PHAF1: variants seen among roughly 807,000 people sequenced by gnomAD.
The protein encoded by PHAF1 is phagophore assembly factor 1, also known as phagosome assembly factor 1.
Under a neutral mutation model 63.1 loss-of-function variants are expected in PHAF1, and 23 were observed. That is an observed-to-expected ratio of 0.36 (90% CI 0.26 to 0.52). PHAF1 has a LOEUF of 0.52. PHAF1 is among the 20% of genes least tolerant of loss of function. PHAF1 has a pLI of 0.93. For synonymous variants in PHAF1, 167 were observed against 185.0 expected (o/e 0.90, Z 0.79); for missense variants, 427 against 517.2 (o/e 0.83, Z 1.69).
At chr16:67,139,663 T>G in intron 8 of PHAF1, 1 of 254,524 alleles carries the variant, frequency 3.9e-6, no homozygotes. Flanking sequence ...ACTGCACTGT[T>G]TTTGTTCACT....
intron 15 of PHAF1, 92 bp from the exon 16 acceptor site, chr16:67,146,953 G>C: frequency 8.4e-7 from 1 of 1,186,528 alleles, no homozygotes; most frequent in East Asian, 2.3e-5. Context: ...ATTAGGTGCA[G>C]GTATGTCACA....
At chr16:67,137,330 T>G (rs1264838988) in intron 8 of PHAF1, among the ~76,000 whole-genome samples, 2 of 152,170 alleles carry the variant, frequency 1.3e-5, no homozygotes, top group Non-Finnish European at 2.9e-5. Flanking sequence ...TTTGTTGTTG[T>G]TGTTTTTTGA....
At chr16:67,133,501 TAAAA>T (rs757439473) in intron 6 of PHAF1, among the ~76,000 whole-genome samples, 4 of 99,792 alleles carry the variant, frequency 4.0e-5, no homozygotes, top group Admixed American at 1.0e-4. Context: ...CCAAAAATAT[TAAAA>T]AAAAAAAAAA....
At chr16:67,125,895 G>A (rs950194773) in intron 2 of PHAF1, 64 bp from the exon 3 acceptor site, 1 of 1,163,822 alleles carries the variant, frequency 8.6e-7, no homozygotes, top group Non-Finnish European at 1.3e-6. Context: ...GTATTGTAAG[G>A]CTTTCAGTAG....
intron 11 of PHAF1, 147 bp downstream of exon 11, chr16:67,144,523 C>T (rs772892774): frequency 4.5e-5 from 30 of 673,788 alleles, no homozygotes; most frequent in Non-Finnish European, 7.6e-5. Context: ...TGAGTGCTTG[C>T]TGTGTTCCTG....
chr16:67,116,353 T>C (rs1262857442), intron 1 of PHAF1, among the ~76,000 whole-genome samples: 1 of 152,230 alleles, frequency 6.6e-6, no homozygotes, highest in Non-Finnish European at 1.5e-5. Context: ...TGTTTAAATG[T>C]AGATGAGCCA....
chr16:67,117,448 A>G (rs1313850725), intron 1 of PHAF1, among the ~76,000 whole-genome samples: 2 of 151,886 alleles, frequency 1.3e-5, no homozygotes, highest in African/African-American at 2.4e-5. Flanking sequence ...AAATCTGCTT[A>G]TAATGGGCCA....
chr16:67,139,279 T>C (rs1017812712), intron 8 of PHAF1, among the ~76,000 whole-genome samples: 11 of 151,618 alleles, frequency 7.3e-5, no homozygotes, highest in Middle Eastern at 3.5e-3. Flanking sequence ...GATGATCTGA[T>C]TAAGGTCTTC....
At position 67,135,005 on chromosome 16, in the gene PHAF1, A is replaced by G. The variant is rs77614623; in HGVS notation, c.661+538A>G. The G allele has an allele frequency of 2.0e-4, 55 of 281,258 alleles. No individual in the cohort carries two copies. The East Asian group carries it at 4.6e-3, about 23-fold the overall frequency. 17.4% of individuals were successfully genotyped at this position (281,258 alleles called of 1,614,324 possible). ...ACTGGACATAGTCTTATAATTAGCA[A>G]ATCTTAATAAGCAACAGCACTGCTT... is the stretch of plus-strand genomic sequence containing the variant. On this transcript the variant is annotated intron_variant, in intron 8 of 15. Coordinates refer to ENST00000219139, the MANE Select transcript of PHAF1 (RefSeq NM_025187.5).
chr16:67,113,923 G>A (rs1028850381), intron 1 of PHAF1, among the ~76,000 whole-genome samples: 10 of 151,676 alleles, frequency 6.6e-5, no homozygotes, highest in Non-Finnish European at 1.2e-4. Context: ...GGCTGGTCTC[G>A]AACTCCTGAC....
chr16:67,131,468 C>A, intron 4 of PHAF1, 139 bp downstream of exon 4: 2 of 618,634 alleles, frequency 3.2e-6, no homozygotes, highest in Non-Finnish European at 5.6e-6. Flanking sequence ...AGGCAACCTT[C>A]AAGCCTGCTC....
chr16:67,123,306 G>A (rs569880388), intron 2 of PHAF1, among the ~76,000 whole-genome samples: 49 of 152,190 alleles, frequency 3.2e-4, no homozygotes, highest in Admixed American at 1.8e-3. Flanking sequence ...GCCAGGTGCA[G>A]TGGCTCATGC....
Position 67,139,953 on chromosome 16 carries a change from C to T in PHAF1, c.662-31C>T, listed in dbSNP as rs1220476762. ...AGAGGGTCTCTGGTCCTAACCATAA[C>T]CTGACAACCTCTCTGTCTTGTTTTT... On this transcript the variant is annotated intron_variant, in intron 8 of 15. Coordinates refer to ENST00000219139, the MANE Select transcript of PHAF1 (RefSeq NM_025187.5). The T allele has an allele frequency of 2.5e-6, 4 of 1,613,772 alleles. No individual in the cohort carries two copies. In the Admixed American group the frequency reaches 5.0e-5, roughly 20 times the overall value.
chr16:67,128,643 A>C (rs1963277650), intron 3 of PHAF1, among the ~76,000 whole-genome samples: 1 of 152,342 alleles, frequency 6.6e-6, no homozygotes, highest in East Asian at 1.9e-4. Context: ...CCTCTGGGGA[A>C]ATCAGGAGCT....
intron 10 of PHAF1, among the ~76,000 whole-genome samples, chr16:67,142,276 A>G (rs1331512302): frequency 6.6e-6 from 1 of 152,146 alleles, no homozygotes; most frequent in African/African-American, 2.4e-5. Flanking sequence ...CAGGGTTTTT[A>G]TGGGCTCAGA....
At chr16:67,110,565 C>T (rs1458198176) in intron 1 of PHAF1, among the ~76,000 whole-genome samples, 1 of 152,180 alleles carries the variant, frequency 6.6e-6, no homozygotes, top group African/African-American at 2.4e-5. Context: ...CTCGCCGGCA[C>T]CTGAGGATAG....
At chr16:67,121,083 A>G (rs1196427049) in intron 2 of PHAF1, among the ~76,000 whole-genome samples, 2 of 152,192 alleles carry the variant, frequency 1.3e-5, no homozygotes, top group Non-Finnish European at 2.9e-5. Flanking sequence ...TTAATCTCCA[A>G]GCAAGTGCTT....
intron 10 of PHAF1, 140 bp from the exon 11 acceptor site, chr16:67,144,154 T>C (rs1261122058): frequency 4.7e-6 from 3 of 637,812 alleles, no homozygotes; most frequent in East Asian, 5.5e-5. Context: ...CCCTGGACTG[T>C]TGTCTGGAAG....
At chr16:67,124,733 C>T (rs1002135468) in intron 2 of PHAF1, among the ~76,000 whole-genome samples, 2 of 152,100 alleles carry the variant, frequency 1.3e-5, no homozygotes, top group Non-Finnish European at 2.9e-5. Context: ...GAAACCCCAT[C>T]TGTACTAAAA....
Sources: gnomAD v4.1 joint callset for allele counts (sites outside exome capture counted in the v4.1 genomes callset) on GRCh38, gnomAD v4.1.1 for gene constraint, MANE v1.5 for transcripts, NCBI Gene and HGNC (gene_info 2026-07-23, HGNC 2026-07-21) for gene names.